The following GRIP2 variants were observed in gnomAD, a reference collection of about 807,000 sequenced individuals.
The protein encoded by GRIP2 is glutamate receptor interacting protein 2.
In GRIP2, 58 loss-of-function variants were observed where a neutral mutation model predicts 108.3. The observed-to-expected ratio is 0.54, with a 90% confidence interval of 0.43 to 0.67. The LOEUF (loss-of-function observed/expected upper bound fraction) is 0.67. GRIP2 is among the 30% of genes least tolerant of loss of function. The pLI is 0.00. For missense variants in GRIP2, 1,278 were observed against 1,430.6 expected, an observed-to-expected ratio of 0.89 and a Z score of 1.72; for synonymous variants, 586 against 598.2, an observed-to-expected ratio of 0.98 and a Z score of 0.30.
Position 14,506,790 on chromosome 3 carries a change from C to T in GRIP2, c.2398+11G>A, listed in dbSNP as rs775969426. ...GAGCGTGCCACTTGTCCAAGGGCCC[C>T]AAGGTATTACCTGGGCCCCCAAAGC... On this transcript the variant is annotated intron_variant, in intron 19 of 23. Transcript: ENST00000621039. 1.1e-5 allele frequency: 18 copies of T among 1,579,264 alleles called. No individual in the cohort carries two copies. The South Asian group carries it at 2.1e-4, about 18-fold the overall frequency.
chr3:14,524,753 C>T (rs901919086), intron 3 of GRIP2, among the ~76,000 whole-genome samples: 9 of 152,200 alleles, frequency 5.9e-5, no homozygotes, highest in Non-Finnish European at 1.2e-4. Context: ...TTTCCCCCTT[C>T]GCTGGTCTGC....
In GRIP2 at chr3:14,492,289, A is replaced by T. The variant is rs1359391632; in HGVS notation, c.*1376T>A. The T allele has an allele frequency of 6.6e-6, 1 of 152,392 alleles. No homozygotes were observed. The highest frequency in any genetic ancestry group is 3.4e-3 in the Middle Eastern group (1 of 294). The allele number at this position is 152,392 out of a possible 1,614,324, so 9.4% of individuals were successfully genotyped here. Reference sequence around the variant, plus strand: ...CTGGCCTCCAGGGACCCCAGGTTGGAGACAGATGGAGGTGGGAGTGGGTGC... The same window carrying T: ...CTGGCCTCCAGGGACCCCAGGTTGGTGACAGATGGAGGTGGGAGTGGGTGC... On this transcript the variant is annotated 3_prime_UTR_variant, in exon 24 of 24. Coordinates refer to ENST00000621039, the MANE Select transcript of GRIP2 (RefSeq NM_001080423.4).
chr3:14,547,000 G>T (rs925067953), upstream of GRIP2, among the ~76,000 whole-genome samples: 1 of 152,174 alleles, frequency 6.6e-6, no homozygotes, highest in African/African-American at 2.4e-5. Context: ...TCCCTAAGGG[G>T]CATGAACTCT....
intron 1 of GRIP2, among the ~76,000 whole-genome samples, chr3:14,535,993 C>A (rs560872939): frequency 6.6e-6 from 1 of 152,320 alleles, no homozygotes; most frequent in East Asian, 1.9e-4. Flanking sequence ...CCAATCCCCA[C>A]GGGCGACAAG....
Sources: gnomAD v4.1 joint callset for allele counts (sites outside exome capture counted in the v4.1 genomes callset) on GRCh38, gnomAD v4.1.1 for gene constraint, MANE v1.5 for transcripts, NCBI Gene and HGNC (gene_info 2026-07-23, HGNC 2026-07-21) for gene names.